Variants in PDZRN4 observed in about 807,000 individuals in gnomAD.
PDZRN4 encodes PDZ domain containing ring finger 4, also known as PDZ domain-containing RING finger protein 4.
A neutral mutation model predicts 99.0 loss-of-function variants in PDZRN4; 70 were observed. The ratio of observed to expected loss-of-function variants is 0.71; its 90% CI spans 0.58 to 0.86. PDZRN4 has a LOEUF of 0.86. Among genes scored for constraint, PDZRN4 ranks in the 40% least tolerant of loss-of-function variants. The probability of loss-of-function intolerance (pLI) is 0.00; values close to 1 mark genes in which losing one functional copy is unlikely to be tolerated. For missense variants in PDZRN4, 1,474 were observed against 1,331.2 expected, an observed-to-expected ratio of 1.11 and a Z score of -1.67; for synonymous variants, 551 against 501.6, an observed-to-expected ratio of 1.10 and a Z score of -1.32.
chr12:41,201,060 C>T (rs1350063239), intron 3 of PDZRN4, among the ~76,000 whole-genome samples: 1 of 151,820 alleles, frequency 6.6e-6, no homozygotes, highest in Non-Finnish European at 1.5e-5. Context: ...TGTTTTGCTC[C>T]TTTGCTTAGG....
intron 3 of PDZRN4, among the ~76,000 whole-genome samples, chr12:41,274,383 A>G (rs1190272975): frequency 6.6e-6 from 1 of 152,202 alleles, no homozygotes; most frequent in Non-Finnish European, 1.5e-5. Context: ...GAAGGAATAT[A>G]TAGAGTTGAT....
At chr12:41,414,870 C>G (rs892443047) in intron 3 of PDZRN4, among the ~76,000 whole-genome samples, 1 of 152,066 alleles carries the variant, frequency 6.6e-6, no homozygotes, top group Admixed American at 6.6e-5. Flanking sequence ...CAAAGAGAAG[C>G]GTTCTTTATT....
chr12:41,288,065 C>G (rs1015827641), intron 3 of PDZRN4, among the ~76,000 whole-genome samples: 1 of 152,032 alleles, frequency 6.6e-6, no homozygotes, highest in African/African-American at 2.4e-5. Context: ...GATGTGTATA[C>G]AACAATATGT....
At chr12:41,208,918 A>G in intron 3 of PDZRN4, among the ~76,000 whole-genome samples, 1 of 151,974 alleles carries the variant, frequency 6.6e-6, no homozygotes, top group East Asian at 1.9e-4. Flanking sequence ...CATAAAAGAT[A>G]ATGAATTTTC....
intron 3 of PDZRN4, among the ~76,000 whole-genome samples, chr12:41,339,599 AG>A (rs1951801213): frequency 6.7e-6 from 1 of 149,326 alleles, no homozygotes; most frequent in African/African-American, 2.4e-5. Context: ...CAAGTTAAAA[AG>A]CTTTTATACA....
chr12:41,549,125 C>G (rs185542499), intron 5 of PDZRN4, among the ~76,000 whole-genome samples: 53 of 152,206 alleles, frequency 3.5e-4, no homozygotes, highest in African/African-American at 1.2e-3. Context: ...TCCATGCAGG[C>G]TTGGCATTGA....
chr12:41,547,952 A>G (rs1402673104), intron 5 of PDZRN4, among the ~76,000 whole-genome samples: 1 of 152,210 alleles, frequency 6.6e-6, no homozygotes, highest in Non-Finnish European at 1.5e-5. Context: ...GATTCTAAGA[A>G]TGGGAAATTG....
At chr12:41,421,738 A>G (rs1335463765) in intron 3 of PDZRN4, among the ~76,000 whole-genome samples, 1 of 152,038 alleles carries the variant, frequency 6.6e-6, no homozygotes, top group Admixed American at 6.6e-5. Context: ...TTTCTTCACT[A>G]TTTCTTCTAC....
At chr12:41,410,999 C>T (rs1228784685) in intron 3 of PDZRN4, among the ~76,000 whole-genome samples, 2 of 151,784 alleles carry the variant, frequency 1.3e-5, no homozygotes, top group Non-Finnish European at 2.9e-5. Context: ...CCATCTCAGG[C>T]TCCCGAATAG....
chr12:41,205,948 G>C (rs945165839), intron 3 of PDZRN4, among the ~76,000 whole-genome samples: 1 of 151,820 alleles, frequency 6.6e-6, no homozygotes, highest in Non-Finnish European at 1.5e-5. Context: ...TCACACAATA[G>C]CTATTCTTTA....
chr12:41,439,399 T>G (rs1952658209), intron 3 of PDZRN4, among the ~76,000 whole-genome samples: 1 of 152,200 alleles, frequency 6.6e-6, no homozygotes, highest in African/African-American at 2.4e-5. Context: ...ATTGTTTCTC[T>G]TTGGGTGGTG....
intron 3 of PDZRN4, among the ~76,000 whole-genome samples, chr12:41,472,182 T>C (rs144571002): frequency 0.019 from 2,857 of 152,218 alleles, 89 homozygotes; most frequent in African/African-American, 0.063. Context: ...TTTGTATTTT[T>C]AGTAGAGATG....
At chr12:41,443,162 G>A (rs1413177174) in intron 3 of PDZRN4, among the ~76,000 whole-genome samples, 1 of 152,064 alleles carries the variant, frequency 6.6e-6, no homozygotes, top group Non-Finnish European at 1.5e-5. Context: ...GCACAGTCTG[G>A]TAGCATAAGA....
rs186081924 is a variant in PDZRN4, at chr12:41,305,399, T to C, written c.843+111211T>C. ...GCAATAAGTACTATTAAGTGTTAGT[T>C]ATTTATGTCAATCAACTCGAGTGAC... On this transcript the variant is annotated intron_variant, in intron 3 of 9. Coordinates refer to ENST00000402685, the MANE Select transcript of PDZRN4 (RefSeq NM_001164595.2). Among the ~76,000 whole-genome samples, 495 of 152,300 alleles carry C rather than the reference T, an allele frequency of 3.3e-3. 4 individuals are homozygous for C. Among genetic ancestry groups the C allele is most frequent in the African/African-American group, 0.011 (468 of 41,550 alleles).
At chr12:41,440,329 C>A (rs963164378) in intron 3 of PDZRN4, among the ~76,000 whole-genome samples, 2 of 152,082 alleles carry the variant, frequency 1.3e-5, no homozygotes, top group African/African-American at 4.8e-5. Context: ...TAGCAGCGAT[C>A]ACGAAACATA....
chr12:41,244,050 C>A (rs1214578483), intron 3 of PDZRN4, among the ~76,000 whole-genome samples: 1 of 152,080 alleles, frequency 6.6e-6, no homozygotes, highest in African/African-American at 2.4e-5. Flanking sequence ...TGACCTTTAT[C>A]CCAAACTCCA....
intron 3 of PDZRN4, among the ~76,000 whole-genome samples, chr12:41,205,282 G>A (rs1950841153): frequency 6.6e-6 from 1 of 151,866 alleles, no homozygotes; most frequent in Admixed American, 6.6e-5. Context: ...TCCACTCTGA[G>A]TAGCACTGCC....
chr12:41,271,091 A>T (rs1203268211), intron 3 of PDZRN4, among the ~76,000 whole-genome samples: 6 of 152,008 alleles, frequency 3.9e-5, no homozygotes, highest in African/African-American at 1.4e-4. Context: ...TGTGTTTTAT[A>T]TTATCTAAAC....
At chr12:41,314,034 C>G (rs1010341318) in intron 3 of PDZRN4, among the ~76,000 whole-genome samples, 8 of 152,162 alleles carry the variant, frequency 5.3e-5, no homozygotes, top group Admixed American at 4.6e-4. Flanking sequence ...TTGAGACCAC[C>G]TATTACATCT....
Sources: gnomAD v4.1 joint callset for allele counts (sites outside exome capture counted in the v4.1 genomes callset) on GRCh38, gnomAD v4.1.1 for gene constraint, MANE v1.5 for transcripts, NCBI Gene and HGNC (gene_info 2026-07-23, HGNC 2026-07-21) for gene names.